Variants in KCNQ5 observed in about 807,000 individuals in gnomAD.
The protein encoded by KCNQ5 is potassium voltage-gated channel subfamily Q member 5, also known as potassium voltage-gated channel subfamily KQT member 5.
A neutral mutation model predicts 98.2 loss-of-function variants in KCNQ5; 30 were observed. The observed-to-expected ratio is 0.31, with a 90% CI of 0.23 to 0.41. The LOEUF (loss-of-function observed/expected upper bound fraction) is 0.41. Ranked by LOEUF, KCNQ5 falls within the 10% of genes least tolerant of loss-of-function variation. The pLI is 1.00. For missense variants in KCNQ5, 835 were observed against 1,182.5 expected (o/e 0.71, Z 4.31); for synonymous variants, 458 against 449.4 (o/e 1.02, Z -0.24).
At chr6:73,083,306 A>G (rs1233693744) in intron 5 of KCNQ5, among the ~76,000 whole-genome samples, 1 of 152,236 alleles carries the variant, frequency 6.6e-6, no homozygotes, top group Non-Finnish European at 1.5e-5. Context: ...TGGATGGTTT[A>G]CGAAAATAGA....
At chr6:72,841,992 A>G (rs1776816754) in intron 1 of KCNQ5, among the ~76,000 whole-genome samples, 1 of 152,220 alleles carries the variant, frequency 6.6e-6, no homozygotes, top group African/African-American at 2.4e-5. Context: ...CTTAATGCAC[A>G]TAAAGTATAA....
chr6:72,921,272 T>A (rs1458027161), intron 1 of KCNQ5, among the ~76,000 whole-genome samples: 6 of 152,222 alleles, frequency 3.9e-5, no homozygotes. Context: ...TAGAGGCCAC[T>A]GTGCAGGAAA....
intron 1 of KCNQ5, among the ~76,000 whole-genome samples, chr6:72,680,512 C>G (rs936417567): frequency 1.3e-5 from 2 of 152,212 alleles, no homozygotes; most frequent in African/African-American, 4.8e-5. Context: ...TGCTAGTTTC[C>G]AACTGGAGAA....
intron 1 of KCNQ5, among the ~76,000 whole-genome samples, chr6:72,931,935 G>A (rs1043322823): frequency 6.6e-6 from 1 of 152,072 alleles, no homozygotes; most frequent in African/African-American, 2.4e-5. Flanking sequence ...TACATTACAG[G>A]TAAGCTCTCC....
intron 1 of KCNQ5, among the ~76,000 whole-genome samples, chr6:72,927,093 A>C (rs1379115711): frequency 6.6e-6 from 1 of 152,214 alleles, no homozygotes; most frequent in African/African-American, 2.4e-5. Context: ...CTCACAAAAC[A>C]TTGACACAAG....
At position 73,004,539 on chromosome 6, in the gene KCNQ5, C is replaced by A. The variant is rs541035469; in HGVS notation, c.489+541C>A. Reference sequence around the variant, plus strand: ...CTGGTGATAAATTCTGCAGTTTGCTCTGTTTCCATTATGCTGTCAATCCTC... The same window carrying A: ...CTGGTGATAAATTCTGCAGTTTGCTATGTTTCCATTATGCTGTCAATCCTC... On this transcript the variant is annotated intron_variant, in intron 2 of 13. Transcript: ENST00000370398. 2.6e-5 allele frequency among the ~76,000 whole-genome samples: 4 copies of A among 152,302 alleles called. No individual in the cohort carries two copies. The South Asian group carries it at 8.3e-4, about 32-fold the overall frequency.
chr6:72,634,171 A>C (rs6917707), intron 1 of KCNQ5, among the ~76,000 whole-genome samples: 1 of 152,020 alleles, frequency 6.6e-6, no homozygotes, highest in African/African-American at 2.4e-5. Context: ...CTCTCAGCAA[A>C]ATAGTGTATG....
intron 5 of KCNQ5, among the ~76,000 whole-genome samples, chr6:73,093,334 T>C (rs1182187057): frequency 6.6e-6 from 1 of 152,210 alleles, no homozygotes; most frequent in Non-Finnish European, 1.5e-5. Context: ...CTATCAATTT[T>C]ATTCATTTTT....
chr6:72,892,083 A>G (rs75875073), intron 1 of KCNQ5, among the ~76,000 whole-genome samples: 1,757 of 152,310 alleles, frequency 0.012, 36 homozygotes, highest in African/African-American at 0.039. Context: ...TTAGCTATAT[A>G]TACACCATCA....
chr6:72,666,381 A>G lies in KCNQ5; in HGVS notation c.398+43794A>G, dbSNP rs567671838. On this transcript the variant is annotated intron_variant, in intron 1 of 13. Transcript: ENST00000370398. ...AGAAGTCACATCTTATCCCAAAATC[A>G]TGACATTATCGATTAATCAATATCA... Among the ~76,000 whole-genome samples the G allele has an allele frequency of 3.3e-5, 5 of 152,354 alleles. No individual in the cohort carries two copies. In the South Asian group the frequency reaches 1.0e-3, roughly 32 times the overall value.
At chr6:73,007,067 C>A (rs540428343) in intron 2 of KCNQ5, among the ~76,000 whole-genome samples, 5 of 152,108 alleles carry the variant, frequency 3.3e-5, no homozygotes, top group Admixed American at 6.5e-5. Context: ...TAAGGACTTT[C>A]GCTGTCCATC....
intron 10 of KCNQ5, chr6:73,135,854 CT>C (rs1333583426): frequency 2.0e-5 from 3 of 152,210 alleles, no homozygotes; most frequent in Non-Finnish European, 4.4e-5. Context: ...TTTAGATGGT[CT>C]TCTCCCTGAG....
intron 1 of KCNQ5, among the ~76,000 whole-genome samples, chr6:72,916,392 G>A (rs1443714660): frequency 6.6e-6 from 1 of 152,080 alleles, no homozygotes. Flanking sequence ...AGACTTTTCA[G>A]GAGAATAAAC....
At chr6:73,078,211 G>T (rs1773613343) in intron 5 of KCNQ5, among the ~76,000 whole-genome samples, 1 of 151,620 alleles carries the variant, frequency 6.6e-6, no homozygotes, top group Non-Finnish European at 1.5e-5. Flanking sequence ...ACTTTGTGGA[G>T]CACAAATTTA....
chr6:73,118,208 C>A (rs1005738467), intron 7 of KCNQ5, among the ~76,000 whole-genome samples: 4 of 152,190 alleles, frequency 2.6e-5, no homozygotes, highest in East Asian at 1.9e-4. Context: ...TAAGGATAAC[C>A]ACTGTGCTAC....
At chr6:72,978,728 G>A (rs1399369316) in intron 1 of KCNQ5, among the ~76,000 whole-genome samples, 1 of 152,208 alleles carries the variant, frequency 6.6e-6, no homozygotes, top group Non-Finnish European at 1.5e-5. Flanking sequence ...TGCACAACGT[G>A]CAGGTTTGTT....
intron 1 of KCNQ5, among the ~76,000 whole-genome samples, chr6:72,909,424 C>T (rs4708001): frequency 5.3e-5 from 8 of 152,108 alleles, no homozygotes; most frequent in East Asian, 1.9e-4. Flanking sequence ...ATCAATATGA[C>T]GGGAAATTAA....
intron 5 of KCNQ5, among the ~76,000 whole-genome samples, chr6:73,088,705 A>G (rs969455700): frequency 6.6e-6 from 1 of 152,166 alleles, no homozygotes; most frequent in Non-Finnish European, 1.5e-5. Context: ...GACATTTGAA[A>G]AACCATTATT....
chr6:73,039,700 T>C (rs1007251486), intron 2 of KCNQ5, among the ~76,000 whole-genome samples: 1 of 152,216 alleles, frequency 6.6e-6, no homozygotes, highest in Non-Finnish European at 1.5e-5. Flanking sequence ...TTTTATTCTT[T>C]TAAACTTGTT....
Sources: allele counts gnomAD v4.1 joint callset (sites outside exome capture counted in the v4.1 genomes callset), GRCh38; gene constraint gnomAD v4.1.1; transcripts MANE v1.5; gene names NCBI Gene and HGNC (gene_info 2026-07-23, HGNC 2026-07-21).